The following VAPB variants were observed in gnomAD, a reference collection of about 807,000 sequenced individuals.
VAPB encodes the protein vesicle-associated membrane protein-associated protein B/C.
A neutral mutation model predicts 25.6 loss-of-function variants in VAPB; 7 were observed. The observed-to-expected ratio is 0.27, with a 90% confidence interval of 0.16 to 0.51. The LOEUF (loss-of-function observed/expected upper bound fraction) is 0.51, where lower values mean the gene tolerates loss of function less well. Among genes scored for constraint, VAPB ranks in the 20% least tolerant of loss-of-function variants. The pLI is 0.97. For synonymous variants in VAPB, 112 were observed against 109.2 expected, an observed-to-expected ratio of 1.03 and a Z score of -0.16; for missense variants, 266 against 301.3, an observed-to-expected ratio of 0.88 and a Z score of 0.87.
At chr20:58,414,953 G>A (rs1163765106) in intron 1 of VAPB, among the ~76,000 whole-genome samples, 3 of 152,266 alleles carry the variant, frequency 2.0e-5, no homozygotes, top group African/African-American at 4.8e-5. Flanking sequence ...CTGAGTGAAC[G>A]AGACTCCGCC....
chr20:58,410,597 A>G (rs1004532440), intron 1 of VAPB, among the ~76,000 whole-genome samples: 1 of 151,944 alleles, frequency 6.6e-6, no homozygotes, highest in Non-Finnish European at 1.5e-5. Flanking sequence ...TTGTAGTTTT[A>G]TTAGAGATGT....
intron 1 of VAPB, among the ~76,000 whole-genome samples, chr20:58,401,932 G>A (rs985502939): frequency 2.0e-5 from 3 of 152,124 alleles, no homozygotes; most frequent in East Asian, 1.9e-4. Context: ...CTATGACTCA[G>A]TTCTGTCCCT....
At chr20:58,407,036 G>A (rs1349640992) in intron 1 of VAPB, among the ~76,000 whole-genome samples, 1 of 152,116 alleles carries the variant, frequency 6.6e-6, no homozygotes, top group East Asian at 1.9e-4. Flanking sequence ...AATCGTCTAA[G>A]ATCCTTTTAG....
chr20:58,428,375 AT>A (rs1463201143), intron 2 of VAPB, among the ~76,000 whole-genome samples: 4 of 152,226 alleles, frequency 2.6e-5, no homozygotes, highest in Admixed American at 6.5e-5. Context: ...TAGATGGTTC[AT>A]TTAAGAGGGC....
chr20:58,411,660 T>G (rs1988382144), intron 1 of VAPB, among the ~76,000 whole-genome samples: 1 of 152,126 alleles, frequency 6.6e-6, no homozygotes, highest in Non-Finnish European at 1.5e-5. Context: ...ATTAGGTTGT[T>G]CATTTTATTT....
intron 1 of VAPB, among the ~76,000 whole-genome samples, chr20:58,401,981 G>T (rs944176207): frequency 6.6e-6 from 1 of 151,850 alleles, no homozygotes; most frequent in Non-Finnish European, 1.5e-5. Flanking sequence ...ATTTTCTCCC[G>T]CAACTGTAAT....
intron 2 of VAPB, among the ~76,000 whole-genome samples, chr20:58,426,379 T>C (rs1199760590): frequency 6.6e-6 from 1 of 152,194 alleles, no homozygotes; most frequent in African/African-American, 2.4e-5. Context: ...TACAGAGTTC[T>C]GTTAGTGGAT....
chr20:58,396,241 G>C (rs910032378), intron 1 of VAPB, among the ~76,000 whole-genome samples: 1 of 152,202 alleles, frequency 6.6e-6, no homozygotes, highest in East Asian at 1.9e-4. Context: ...ATTTTCACCT[G>C]TGTCAAGTGA....
chr20:58,424,345 G>A (rs957369027), intron 2 of VAPB, among the ~76,000 whole-genome samples: 8 of 151,906 alleles, frequency 5.3e-5, no homozygotes, highest in East Asian at 1.9e-4. Context: ...CGTTGAAAGC[G>A]GCCCATGTGA....
chr20:58,436,191 A>C (rs547025363), intron 3 of VAPB, among the ~76,000 whole-genome samples: 1 of 152,102 alleles, frequency 6.6e-6, no homozygotes, highest in Non-Finnish European at 1.5e-5. Context: ...TATAAGTTTA[A>C]ATTTTTTTTA....
At position 58,445,785 on chromosome 20, in the gene VAPB, C is replaced by G. The variant is rs1989276588; in HGVS notation, c.*1550C>G. On this transcript the variant is annotated 3_prime_UTR_variant, in exon 6 of 6. Coordinates refer to ENST00000475243, the MANE Select transcript of VAPB (RefSeq NM_004738.5). ...ATGAAACTGCTGAAAAAGCTGAGCA[C>G]CTGGTCACCCTTGGCCTTCCATTGC... 2.2e-6 allele frequency: 1 copy of G among 453,500 alleles called. No homozygotes were observed. Among genetic ancestry groups the G allele is most frequent in the Non-Finnish European group, 4.4e-6 (1 of 226,734 alleles). 28.1% of individuals were successfully genotyped at this position (453,500 alleles called of 1,614,324 possible).
intron 2 of VAPB, among the ~76,000 whole-genome samples, chr20:58,420,999 G>A (rs1988655851): frequency 6.6e-6 from 1 of 152,136 alleles, no homozygotes; most frequent in South Asian, 2.1e-4. Context: ...GATACCAGTC[G>A]ACAGGCAGTG....
At position 58,450,283 on chromosome 20, in the gene VAPB, A is replaced by G. The variant is rs970629057; in HGVS notation, c.*6048A>G. On this transcript the variant is annotated 3_prime_UTR_variant, in exon 6 of 6. Coordinates refer to ENST00000475243, the MANE Select transcript of VAPB (RefSeq NM_004738.5). Reference sequence around the variant, plus strand: ...AGAATTTATTGTCTGTGATATTGAGACCATGTGTACAAGAACTACTTTTTG... The same window carrying G: ...AGAATTTATTGTCTGTGATATTGAGGCCATGTGTACAAGAACTACTTTTTG... The G allele has an allele frequency of 8.8e-6, 4 of 453,402 alleles. No individual in the cohort carries two copies. The highest frequency in any genetic ancestry group is 6.0e-5 in the African/African-American group (3 of 49,920). The allele number at this position is 453,402 out of a possible 1,614,324, so 28.1% of individuals were successfully genotyped here.
At position 58,450,630 on chromosome 20, in the gene VAPB, T is replaced by G. The variant is rs1162324677; in HGVS notation, c.*6395T>G. 1 of 454,124 alleles carries G rather than the reference T, an allele frequency of 2.2e-6. No individual in the cohort carries two copies. Among genetic ancestry groups the G allele is most frequent in the Non-Finnish European group, 4.4e-6 (1 of 226,784 alleles). 28.1% of individuals were successfully genotyped at this position (454,124 alleles called of 1,614,324 possible). On this transcript the variant is annotated 3_prime_UTR_variant, in exon 6 of 6. Transcript: ENST00000475243. Reference sequence around the variant, plus strand: ...CTGAATAAATGGTTTCAGTAACCCATGCTGTTCTCTCCCTATTCTACGTCT... The same window carrying G: ...CTGAATAAATGGTTTCAGTAACCCAGGCTGTTCTCTCCCTATTCTACGTCT...
chr20:58,447,738 T>C lies in VAPB; in HGVS notation c.*3503T>C. 2.2e-6 allele frequency: 1 copy of C among 453,796 alleles called. No individual in the cohort carries two copies. Among genetic ancestry groups the C allele is most frequent in the Non-Finnish European group, 4.4e-6 (1 of 226,506 alleles). 28.1% of individuals were successfully genotyped at this position (453,796 alleles called of 1,614,324 possible). A position where few individuals can be genotyped will look rare whatever the true frequency, so the allele number is the denominator to read the frequency against. On this transcript the variant is annotated 3_prime_UTR_variant, in exon 6 of 6. Transcript: ENST00000475243. Reference sequence around the variant, plus strand: ...GACAGTTTTCAAATCGTGCCTATATTTTTTTGCATACACAAATTTTTGTGT... The same window carrying C: ...GACAGTTTTCAAATCGTGCCTATATCTTTTTGCATACACAAATTTTTGTGT...
At chr20:58,430,274 C>CT (rs1418320046) in intron 2 of VAPB, among the ~76,000 whole-genome samples, 3 of 148,526 alleles carry the variant, frequency 2.0e-5, no homozygotes, top group African/African-American at 5.0e-5. Flanking sequence ...GGTGGAGTCT[C>CT]TGTCGCTCAG....
chr20:58,401,834 C>T (rs547487818), intron 1 of VAPB, among the ~76,000 whole-genome samples: 50 of 152,238 alleles, frequency 3.3e-4, no homozygotes, highest in Admixed American at 1.3e-3. Context: ...AACTCTATAC[C>T]ACCTTTTCAT....
intron 1 of VAPB, among the ~76,000 whole-genome samples, chr20:58,413,757 C>T (rs978353370): frequency 4.0e-5 from 6 of 148,786 alleles, no homozygotes; most frequent in South Asian, 2.1e-4. Flanking sequence ...CGGGTGGGGC[C>T]GCTGGCCGGG....
chr20:58,441,458 A>G (rs572662427), intron 5 of VAPB, among the ~76,000 whole-genome samples: 4 of 152,280 alleles, frequency 2.6e-5, no homozygotes, highest in African/African-American at 9.6e-5. Context: ...TGGCCAACAA[A>G]GTGAAACCCC....
Sources: allele counts gnomAD v4.1 joint callset (sites outside exome capture counted in the v4.1 genomes callset), GRCh38; gene constraint gnomAD v4.1.1; transcripts MANE v1.5; gene names NCBI Gene and HGNC (gene_info 2026-07-23, HGNC 2026-07-21).